ELAVL2: variants seen among roughly 807,000 people sequenced by gnomAD.
ELAVL2 encodes the protein ELAV-like protein 2.
ELAVL2 carries 4 observed loss-of-function variants against 34.6 expected under a neutral mutation model. The observed-to-expected ratio is 0.12, with a 90% confidence interval of 0.06 to 0.26. ELAVL2 has a LOEUF of 0.26. Ranked by LOEUF, ELAVL2 falls within the 10% of genes least tolerant of loss-of-function variation. The pLI is 1.00. For synonymous variants in ELAVL2, 193 were observed against 154.8 expected (o/e 1.25, Z -1.83); for missense variants, 432 against 442.8 (o/e 0.98, Z 0.22).
intron 1 of ELAVL2, among the ~76,000 whole-genome samples, chr9:23,788,992 G>T (rs1202284990): frequency 6.6e-6 from 1 of 152,190 alleles, no homozygotes; most frequent in Non-Finnish European, 1.5e-5. Flanking sequence ...GAAACTGTGG[G>T]TAAGGAGGAA....
chr9:23,794,638 AC>A lies in ELAVL2; in HGVS notation c.-16+31167del, dbSNP rs1352927064. 2.0e-5 allele frequency among the ~76,000 whole-genome samples: 3 copies of A among 152,332 alleles called. No homozygotes were observed. In the South Asian group the frequency reaches 6.2e-4, roughly 32 times the overall value. ...TACATCAAATAACTACATTAGTCAAACCAGACTAATTATTAAAATTACACAA... is the reference window on the plus strand; with the variant it reads ...TACATCAAATAACTACATTAGTCAAACAGACTAATTATTAAAATTACACAA... On this transcript the variant is annotated intron_variant, in intron 1 of 6. Transcript: ENST00000397312.
At chr9:23,831,165 CT>C (rs765442274), upstream of ELAVL2, among the ~76,000 whole-genome samples, 2 of 152,318 alleles carry the variant, frequency 1.3e-5, no homozygotes, top group South Asian at 4.1e-4. Context: ...CTCGGAGGCT[CT>C]TTCTTATATT....
intron 1 of ELAVL2, among the ~76,000 whole-genome samples, chr9:23,795,675 A>G (rs1401952108): frequency 1.3e-5 from 2 of 152,260 alleles, no homozygotes; most frequent in African/African-American, 4.8e-5. Context: ...CCTCTTACAG[A>G]GAAGAAATTT....
intron 5 of ELAVL2, among the ~76,000 whole-genome samples, chr9:23,696,326 T>C (rs570970730): frequency 6.6e-6 from 1 of 151,820 alleles, no homozygotes; most frequent in Non-Finnish European, 1.5e-5. Context: ...CACCATTCAC[T>C]CCAAATCCAG....
intron 1 of ELAVL2, among the ~76,000 whole-genome samples, chr9:23,797,889 T>C (rs1443307090): frequency 4.6e-5 from 7 of 151,858 alleles, no homozygotes; most frequent in South Asian, 2.1e-4. Flanking sequence ...AATCACGCCA[T>C]TGCACTCCAG....
chr9:23,720,263 C>G (rs540281896), intron 3 of ELAVL2, among the ~76,000 whole-genome samples: 1 of 151,716 alleles, frequency 6.6e-6, no homozygotes, highest in Non-Finnish European at 1.5e-5. Context: ...ACCTCCGCCT[C>G]CCAAGTTCAA....
intron 2 of ELAVL2, 45 bp from the exon 3 acceptor site, chr9:23,731,170 G>T: frequency 6.5e-7 from 1 of 1,527,226 alleles, no homozygotes; most frequent in South Asian, 1.3e-5. Flanking sequence ...GTTCTATACT[G>T]TTGACAGAGA....
At chr9:23,705,470 AAAAT>A (rs2039007036) in intron 3 of ELAVL2, among the ~76,000 whole-genome samples, 1 of 152,208 alleles carries the variant, frequency 6.6e-6, no homozygotes, top group African/African-American at 2.4e-5. Context: ...TTAATTCACT[AAAAT>A]TTAAAGTTCT....
chr9:23,694,526 G>T (rs1477705582), intron 5 of ELAVL2, among the ~76,000 whole-genome samples: 1 of 150,976 alleles, frequency 6.6e-6, no homozygotes, highest in Non-Finnish European at 1.5e-5. Flanking sequence ...GACATCCCAG[G>T]GTTGTCCCTC....
intron 3 of ELAVL2, among the ~76,000 whole-genome samples, chr9:23,714,188 C>G (rs1014241501): frequency 6.6e-6 from 1 of 152,072 alleles, no homozygotes; most frequent in African/African-American, 2.4e-5. Context: ...ATTGCTCCTC[C>G]CAATAAGTTT....
intron 1 of ELAVL2, among the ~76,000 whole-genome samples, chr9:23,793,783 A>T (rs2060593255): frequency 6.6e-6 from 1 of 152,096 alleles, no homozygotes. Flanking sequence ...CACTCAGTGG[A>T]CTTTCCACCT....
chr9:23,830,910 C>A (rs783456), upstream of ELAVL2, among the ~76,000 whole-genome samples: 3,599 of 152,042 alleles, frequency 0.024, 133 homozygotes, highest in African/African-American at 0.082. Flanking sequence ...GGAAAAAAAA[C>A]CCCAAAAAAC....
At chr9:23,778,645 T>C (rs2058602907) in intron 1 of ELAVL2, among the ~76,000 whole-genome samples, 1 of 152,110 alleles carries the variant, frequency 6.6e-6, no homozygotes, top group Admixed American at 6.5e-5. Context: ...AAAGAGTATA[T>C]GCTTTTCTAC....
chr9:23,740,258 C>T (rs1409830856), intron 2 of ELAVL2, among the ~76,000 whole-genome samples: 1 of 152,146 alleles, frequency 6.6e-6, no homozygotes, highest in South Asian at 2.1e-4. Context: ...CAACTAGGAT[C>T]CTTACATTAC....
intron 2 of ELAVL2, among the ~76,000 whole-genome samples, chr9:23,747,357 T>G (rs551949997): frequency 6.6e-6 from 1 of 152,190 alleles, no homozygotes; most frequent in South Asian, 2.1e-4. Flanking sequence ...ATTTAATATT[T>G]TAACACTATG....
intron 1 of ELAVL2, among the ~76,000 whole-genome samples, chr9:23,777,011 A>C (rs918371431): frequency 6.6e-6 from 1 of 152,190 alleles, no homozygotes; most frequent in African/African-American, 2.4e-5. Context: ...TTTTCCAGGT[A>C]CCCATTTCCT....
intron 2 of ELAVL2, among the ~76,000 whole-genome samples, chr9:23,747,295 C>G (rs549967129): frequency 3.0e-4 from 45 of 152,242 alleles, no homozygotes; most frequent in African/African-American, 1.1e-3. Flanking sequence ...TCACGATACT[C>G]TGAATGGTGA....
chr9:23,708,998 T>A (rs1247428220), intron 3 of ELAVL2, among the ~76,000 whole-genome samples: 1 of 152,224 alleles, frequency 6.6e-6, no homozygotes, highest in Non-Finnish European at 1.5e-5. Context: ...TAATTACAAT[T>A]AACCAAAGAA....
intron 2 of ELAVL2, among the ~76,000 whole-genome samples, chr9:23,756,512 G>C (rs1174830370): frequency 6.6e-6 from 1 of 152,084 alleles, no homozygotes; most frequent in Non-Finnish European, 1.5e-5. Context: ...AAAAATAACA[G>C]TGAAAGAACA....
Sources: gnomAD v4.1 joint callset for allele counts (sites outside exome capture counted in the v4.1 genomes callset) on GRCh38, gnomAD v4.1.1 for gene constraint, MANE v1.5 for transcripts, NCBI Gene and HGNC (gene_info 2026-07-23, HGNC 2026-07-21) for gene names.